The following FAM217B variants were observed in gnomAD, a reference collection of about 807,000 sequenced individuals.
FAM217B encodes protein FAM217B.
For synonymous variants in FAM217B, 163 were observed against 173.0 expected, an observed-to-expected ratio of 0.94 and a Z score of 0.45; for missense variants, 463 against 456.9, an observed-to-expected ratio of 1.01 and a Z score of -0.12.
At chr20:59,937,568 T>TA, upstream of FAM217B, 1 of 152,460 alleles carries the variant, frequency 6.6e-6, no homozygotes, top group East Asian at 1.9e-4. Context: ...TTCAAAAATT[T>TA]AGAGTTAATT....
chr20:59,939,208 C>T, upstream of FAM217B: 2 of 1,610,548 alleles, frequency 1.2e-6, no homozygotes, highest in Non-Finnish European at 1.7e-6. Flanking sequence ...AAGGGCGGTA[C>T]TGGAAAGCCG....
At chr20:59,939,058 C>T (rs758446264), upstream of FAM217B, 29 of 1,551,464 alleles carry the variant, frequency 1.9e-5, no homozygotes, top group Non-Finnish European at 2.3e-5. Context: ...CAGCTCTCTT[C>T]GCACTCCCCG....
upstream of FAM217B, chr20:59,940,090 T>G: frequency 4.1e-6 from 2 of 491,796 alleles, no homozygotes; most frequent in Admixed American, 8.8e-5. Context: ...TTCGCCACCT[T>G]GCTCCTCGAG....
At chr20:59,942,810 G>T (rs2060912542) in intron 3 of FAM217B, among the ~76,000 whole-genome samples, 1 of 152,010 alleles carries the variant, frequency 6.6e-6, no homozygotes. Context: ...AATTTTTATG[G>T]ATGCATACTG....
upstream of FAM217B, chr20:59,939,180 G>C: frequency 6.2e-7 from 1 of 1,609,368 alleles, no homozygotes; most frequent in Non-Finnish European, 8.5e-7. Flanking sequence ...GTGCACGCGG[G>C]AGCCGAGCTC....
At chr20:59,938,894 G>A (rs2060877932), upstream of FAM217B, 1 of 792,518 alleles carries the variant, frequency 1.3e-6, no homozygotes, top group Non-Finnish European at 1.8e-6. Flanking sequence ...CACTGCCAGG[G>A]GACCTTGCAG....
At position 59,946,770 on chromosome 20, in the gene FAM217B, A is replaced by G; in HGVS notation, c.*1675A>G. On this transcript the variant is annotated 3_prime_UTR_variant, in exon 4 of 4. Coordinates refer to ENST00000360816, the MANE Select transcript of FAM217B (RefSeq NM_022106.3). ...AACAAAAGATGTACATATAGTAAGT[A>G]TTACTTCCGTAGTCCTCAAATTTAC... 1 of 167,090 alleles carries G rather than the reference A, an allele frequency of 6.0e-6. No homozygotes were observed. Among genetic ancestry groups the G allele is most frequent in the East Asian group, 1.9e-4 (1 of 5,202 alleles). The allele number at this position is 167,090 out of a possible 1,614,324, so 10.4% of individuals were successfully genotyped here. A position where few individuals can be genotyped will look rare whatever the true frequency, so the allele number is the denominator to read the frequency against.
At chr20:59,934,267 C>T (rs928243830) in intron 1 of FAM217B, among the ~76,000 whole-genome samples, 1 of 152,188 alleles carries the variant, frequency 6.6e-6, no homozygotes, top group Non-Finnish European at 1.5e-5. Context: ...GGGTACCCAA[C>T]TGTGTATTCC....
chr20:59,937,290 T>C (rs890370623), upstream of FAM217B: 3 of 152,684 alleles, frequency 2.0e-5, no homozygotes, highest in African/African-American at 7.2e-5. Context: ...CTGACCTAAT[T>C]GGACAGTTTG....
rs942444173 is a variant in FAM217B at position 59,944,065 on chromosome 20, C to T, written c.122C>T (p.Thr41Ile). The T allele has an allele frequency of 6.2e-7, 1 of 1,614,134 alleles. No homozygotes were observed. Among genetic ancestry groups the T allele is most frequent in the Non-Finnish European group, 8.5e-7 (1 of 1,180,016 alleles). Residue 41 changes from threonine to isoleucine, a missense_variant, in exon 4 of 4, where the codon ACC becomes ATC. Physicochemically the swap from Thr to Ile is moderately conservative, Grantham distance 89. Transcript: ENST00000360816. ...CCGAGAAGCAGCCTCACAGCTGTCACCCAGCCTACTGAAGAAAAACTTAAA... is the reference window on the plus strand; with the variant it reads ...CCGAGAAGCAGCCTCACAGCTGTCATCCAGCCTACTGAAGAAAAACTTAAA... Reference protein sequence around the residue: ...SQPRSSLTAVTQPTEEKLKES... With the variant: ...SQPRSSLTAVIQPTEEKLKES...
chr20:59,936,163 G>A (rs925789237), upstream of FAM217B, among the ~76,000 whole-genome samples: 3 of 152,126 alleles, frequency 2.0e-5, no homozygotes, highest in Admixed American at 6.6e-5. Flanking sequence ...TGTAACACAA[G>A]GGTATTTGTG....
intron 1 of FAM217B, among the ~76,000 whole-genome samples, chr20:59,941,114 C>T (rs962671294): frequency 2.0e-5 from 3 of 152,184 alleles, no homozygotes; most frequent in Admixed American, 6.5e-5. Flanking sequence ...TGTCTCTCAC[C>T]CGGTAGCTTT....
rs1049560508 is a variant in FAM217B at position 59,940,395 on chromosome 20, G to GC, written c.-341dup. Reference sequence around the variant, plus strand: ...GCGGGCCCCCGCCGGCCTCAGCTCAGCCAGGGAGCTCAGCGGAGCTGCGCG... The same window carrying GC: ...GCGGGCCCCCGCCGGCCTCAGCTCAGCCCAGGGAGCTCAGCGGAGCTGCGCG... On this transcript the variant is annotated 5_prime_UTR_variant, in exon 1 of 4. Coordinates refer to ENST00000360816, the MANE Select transcript of FAM217B (RefSeq NM_022106.3). 6.6e-6 allele frequency: 1 copy of GC among 152,630 alleles called. No individual in the cohort carries two copies. The highest frequency in any genetic ancestry group is 2.4e-5 in the African/African-American group (1 of 41,426). 9.5% of individuals were successfully genotyped at this position (152,630 alleles called of 1,614,324 possible).
In FAM217B at chr20:59,945,399, A is replaced by G. The variant is rs2060931585; in HGVS notation, c.*304A>G. The G allele has an allele frequency of 3.6e-6, 1 of 275,896 alleles. No homozygotes were observed. Among genetic ancestry groups the G allele is most frequent in the Admixed American group, 5.1e-5 (1 of 19,656 alleles). 17.1% of individuals were successfully genotyped at this position (275,896 alleles called of 1,614,324 possible). On this transcript the variant is annotated 3_prime_UTR_variant, in exon 4 of 4. Coordinates refer to ENST00000360816, the MANE Select transcript of FAM217B (RefSeq NM_022106.3). The stretch of plus-strand genomic sequence containing the variant: ...CCTCTCCAGGGAAAGTGTCAGTGAA[A>G]CCTCAGCTACAGTAGCCGGTCTGTG...
At chr20:59,935,510 A>G (rs1331176761), upstream of FAM217B, among the ~76,000 whole-genome samples, 1 of 152,204 alleles carries the variant, frequency 6.6e-6, no homozygotes, top group Non-Finnish European at 1.5e-5. Flanking sequence ...GTTCACACAT[A>G]TACTCCCTGC....
intron 1 of FAM217B, among the ~76,000 whole-genome samples, chr20:59,941,370 G>A (rs1340583613): frequency 1.3e-5 from 2 of 152,194 alleles, no homozygotes; most frequent in African/African-American, 4.8e-5. Context: ...AAATGTGAGA[G>A]AATGATTTTA....
rs1017078085 is a variant in FAM217B at position 59,947,014 on chromosome 20, G to A, written c.*1919G>A. 6.0e-6 allele frequency: 1 copy of A among 166,900 alleles called. No individual in the cohort carries two copies. Among genetic ancestry groups the A allele is most frequent in the Admixed American group, 6.5e-5 (1 of 15,270 alleles). The allele number at this position is 166,900 out of a possible 1,614,324, so 10.3% of individuals were successfully genotyped here. ...TTTCATGGCCCATAGATATTCAAAA[G>A]CAAGATATTCTATACATATGTGTAT... On this transcript the variant is annotated 3_prime_UTR_variant, in exon 4 of 4. Transcript: ENST00000360816.
upstream of FAM217B, chr20:59,938,799 C>A: frequency 2.6e-6 from 1 of 390,580 alleles, no homozygotes; most frequent in Non-Finnish European, 4.5e-6. Flanking sequence ...TGCCCCAACT[C>A]ATTACACAAC....
chr20:59,937,823 AC>A (rs2060871510), upstream of FAM217B: 1 of 152,588 alleles, frequency 6.6e-6, no homozygotes, highest in African/African-American at 2.4e-5. Context: ...CGGTTTAAAA[AC>A]ATAAAAGAAT....
Sources: allele counts gnomAD v4.1 joint callset (sites outside exome capture counted in the v4.1 genomes callset), GRCh38; gene constraint gnomAD v4.1.1; transcripts MANE v1.5; gene names NCBI Gene and HGNC (gene_info 2026-07-23, HGNC 2026-07-21).